The following SNX9 variants were observed in gnomAD, a reference collection of about 807,000 sequenced individuals.
The protein encoded by SNX9 is sorting nexin 9.
Under a neutral mutation model 89.4 loss-of-function variants are expected in SNX9, and 44 were observed. The observed-to-expected ratio is 0.49, with a 90% CI of 0.39 to 0.63. SNX9 has a LOEUF of 0.63. Ranked by LOEUF, SNX9 falls within the 30% of genes least tolerant of loss-of-function variation. The pLI, the probability that SNX9 is intolerant of heterozygous loss-of-function variation, is 0.00. For synonymous variants in SNX9, 236 were observed against 247.8 expected, an observed-to-expected ratio of 0.95 and a Z score of 0.45; for missense variants, 578 against 736.1, an observed-to-expected ratio of 0.79 and a Z score of 2.49.
At chr6:157,876,344 CG>C (rs1296159697) in intron 4 of SNX9, among the ~76,000 whole-genome samples, 1 of 152,014 alleles carries the variant, frequency 6.6e-6, no homozygotes, top group South Asian at 2.1e-4. Context: ...CCAAGCTGCT[CG>C]GGGGGCTGAA....
At chr6:157,866,949 T>C (rs1175666834) in intron 1 of SNX9, among the ~76,000 whole-genome samples, 1 of 152,072 alleles carries the variant, frequency 6.6e-6, no homozygotes, top group African/African-American at 2.4e-5. Context: ...TAGGTGTTTG[T>C]TTGTTTGTTT....
intron 9 of SNX9, 112 bp downstream of exon 9, chr6:157,910,137 G>A (rs1171719153): frequency 6.1e-6 from 5 of 818,424 alleles, no homozygotes; most frequent in South Asian, 3.0e-5. Context: ...CAGGATGCAG[G>A]AGTTGGAAAC....
At chr6:157,870,336 A>T (rs929894577) in intron 2 of SNX9, among the ~76,000 whole-genome samples, 1 of 150,474 alleles carries the variant, frequency 6.6e-6, no homozygotes, top group East Asian at 2.0e-4. Flanking sequence ...ACCTGCGCTC[A>T]CACTCACACT....
chr6:157,860,174 C>G (rs2115128728), intron 1 of SNX9, among the ~76,000 whole-genome samples: 1 of 152,278 alleles, frequency 6.6e-6, no homozygotes, highest in South Asian at 2.1e-4. Context: ...TTGTATGATA[C>G]AGCCATTTTG....
In SNX9 at chr6:157,944,875, A is replaced by G. The variant is rs1784109994; in HGVS notation, c.*2037A>G. Reference sequence around the variant, plus strand: ...GAAAAGCAGAGGGAATGTGAAAGAAAATAAGAGAATCCACGGGATTTGATG... The same window carrying G: ...GAAAAGCAGAGGGAATGTGAAAGAAGATAAGAGAATCCACGGGATTTGATG... On this transcript the variant is annotated 3_prime_UTR_variant, in exon 18 of 18. Transcript: ENST00000392185. 6.6e-6 allele frequency: 1 copy of G among 152,208 alleles called. No individual in the cohort carries two copies. Among genetic ancestry groups the G allele is most frequent in the Non-Finnish European group, 1.5e-5 (1 of 68,036 alleles). 9.4% of individuals were successfully genotyped at this position (152,208 alleles called of 1,614,324 possible).
intron 1 of SNX9, among the ~76,000 whole-genome samples, chr6:157,840,448 T>TTTCCTTCC (rs1213628131): frequency 5.3e-5 from 8 of 150,460 alleles, no homozygotes; most frequent in Non-Finnish European, 1.0e-4. Flanking sequence ...CTTTCTTTCC[T>TTTCCTTCC]TTCCTTCCTT....
intron 3 of SNX9, chr6:157,874,668 C>A: frequency 5.8e-6 from 1 of 172,498 alleles, no homozygotes; most frequent in Non-Finnish European, 1.2e-5. Flanking sequence ...TAAGACAGAC[C>A]ACATATTCTG....
At chr6:157,862,774 AAAT>A (rs1782168319) in intron 1 of SNX9, among the ~76,000 whole-genome samples, 1 of 151,786 alleles carries the variant, frequency 6.6e-6, no homozygotes, top group Non-Finnish European at 1.5e-5. Flanking sequence ...TTTGCTTAAT[AAAT>A]ACAGGTAGTT....
chr6:157,916,410 C>A (rs780466997), intron 9 of SNX9, among the ~76,000 whole-genome samples: 61 of 152,290 alleles, frequency 4.0e-4, no homozygotes, highest in African/African-American at 1.3e-3. Context: ...AATCCATGGG[C>A]CTTCTACTTC....
intron 4 of SNX9, among the ~76,000 whole-genome samples, chr6:157,893,507 C>A (rs1367675946): frequency 6.9e-6 from 1 of 145,928 alleles, no homozygotes; most frequent in East Asian, 1.9e-4. Context: ...TCAAAACAGA[C>A]CAGCCACTAG....
chr6:157,869,253 A>G (rs1184900679), intron 2 of SNX9, among the ~76,000 whole-genome samples: 1 of 150,750 alleles, frequency 6.6e-6, no homozygotes, highest in Admixed American at 6.6e-5. Flanking sequence ...ATTTCTTTAC[A>G]CTATGCGGTC....
chr6:157,896,725 T>C (rs910160306), intron 4 of SNX9, 102 bp from the exon 5 acceptor site: 1 of 1,278,502 alleles, frequency 7.8e-7, no homozygotes, highest in Non-Finnish European at 1.1e-6. Flanking sequence ...ATTAATTGTT[T>C]TTAGTACTCC....
intron 1 of SNX9, among the ~76,000 whole-genome samples, chr6:157,826,010 G>T (rs1247977365): frequency 6.6e-6 from 1 of 152,136 alleles, no homozygotes; most frequent in Non-Finnish European, 1.5e-5. Flanking sequence ...AAGGGATGTC[G>T]ATTTCCCTTT....
intron 10 of SNX9, among the ~76,000 whole-genome samples, chr6:157,925,283 C>G (rs946108128): frequency 6.6e-6 from 1 of 152,116 alleles, no homozygotes; most frequent in South Asian, 2.1e-4. Context: ...AATAAATACA[C>G]ATTAAAACCA....
Position 157,913,093 on chromosome 6 carries a change from C to G in SNX9, c.949+3068C>G, listed in dbSNP as rs112534033. ...CCATAATGGGGAGTTCATCGTATCC[C>G]AGGTCCAGACTGGCTTTCCGGCCAG... On this transcript the variant is annotated intron_variant, in intron 9 of 17. Transcript: ENST00000392185. 3.1e-3 allele frequency among the ~76,000 whole-genome samples: 465 copies of G among 152,276 alleles called. 4 individuals are homozygous for G. The highest frequency in any genetic ancestry group is 9.9e-3 in the African/African-American group (411 of 41,548).
intron 1 of SNX9, among the ~76,000 whole-genome samples, chr6:157,834,173 T>TTTTG (rs1781533595): frequency 8.1e-6 from 1 of 123,144 alleles, no homozygotes; most frequent in Non-Finnish European, 1.7e-5. Context: ...TTTTTTTTTT[T>TTTTG]TTTTTTTTTT....
At chr6:157,859,190 A>T (rs1782070298) in intron 1 of SNX9, among the ~76,000 whole-genome samples, 1 of 152,250 alleles carries the variant, frequency 6.6e-6, no homozygotes, top group South Asian at 2.1e-4. Context: ...ATATGAAAAG[A>T]AATATAATGA....
chr6:157,856,540 C>T (rs1782015571), intron 1 of SNX9, among the ~76,000 whole-genome samples: 1 of 152,154 alleles, frequency 6.6e-6, no homozygotes, highest in South Asian at 2.1e-4. Context: ...ATATCACAGT[C>T]CTTTAAGAAT....
chr6:157,840,433 CT>C (rs1329510576), intron 1 of SNX9, among the ~76,000 whole-genome samples: 10 of 151,194 alleles, frequency 6.6e-5, no homozygotes, highest in African/African-American at 2.2e-4. Flanking sequence ...TCTTTCTTTT[CT>C]TTCCTTTCTT....
Sources: gnomAD v4.1 joint callset for allele counts (sites outside exome capture counted in the v4.1 genomes callset) on GRCh38, gnomAD v4.1.1 for gene constraint, MANE v1.5 for transcripts, NCBI Gene and HGNC (gene_info 2026-07-23, HGNC 2026-07-21) for gene names.